Variants in SGCD observed in about 807,000 individuals in gnomAD.
The protein encoded by SGCD is delta-sarcoglycan.
SGCD carries 18 observed loss-of-function variants against 36.6 expected under a neutral mutation model. That is an observed-to-expected ratio of 0.49 (90% confidence interval 0.34 to 0.73). The LOEUF (loss-of-function observed/expected upper bound fraction) is 0.73. SGCD is among the 30% of genes least tolerant of loss of function. The pLI is 0.01. For missense variants in SGCD, 387 were observed against 346.7 expected (o/e 1.12, Z -0.92); for synonymous variants, 133 against 130.6 (o/e 1.02, Z -0.12).
intron 3 of SGCD, among the ~76,000 whole-genome samples, chr5:156,170,994 C>T (rs796980116): frequency 2.0e-5 from 3 of 152,238 alleles, no homozygotes; most frequent in African/African-American, 7.2e-5. Flanking sequence ...AGGGAATAAC[C>T]TTCTTCTTTC....
chr5:156,571,765 A>T (rs573121811), intron 4 of SGCD, among the ~76,000 whole-genome samples: 4 of 152,236 alleles, frequency 2.6e-5, no homozygotes, highest in Admixed American at 1.3e-4. Context: ...TAAAATACAC[A>T]TGATATAAAA....
At chr5:156,183,686 C>T (rs1467471771) in intron 3 of SGCD, among the ~76,000 whole-genome samples, 11 of 152,158 alleles carry the variant, frequency 7.2e-5, no homozygotes, top group African/African-American at 2.4e-4. Flanking sequence ...AGATTACAGG[C>T]GTGAGCCACA....
intron 4 of SGCD, among the ~76,000 whole-genome samples, chr5:156,556,486 A>G (rs978011406): frequency 2.0e-5 from 3 of 152,170 alleles, no homozygotes; most frequent in African/African-American, 7.2e-5. Flanking sequence ...TGCATGTCTA[A>G]AAATCAAGAG....
At chr5:155,753,334 T>TCAAAAAAAAAAAAAAAAAAAAAAA in the SGCD span, among the ~76,000 whole-genome samples, 22 of 135,904 alleles carry the variant, frequency 1.6e-4, 2 homozygotes, top group African/African-American at 7.4e-4. Context: ...AGACTTTGTC[T>TCAAAAAAAAAAAAAAAAAAAAAAA]AAAAAAAAAA....
Position 156,668,213 on chromosome 5 carries a change from G to A in SGCD, c.575+20677G>A, listed in dbSNP as rs188747569. 2.1e-3 allele frequency among the ~76,000 whole-genome samples: 326 copies of A among 152,266 alleles called. 1 individual carries two copies. The highest frequency in any genetic ancestry group is 4.1e-3 in the Non-Finnish European group (278 of 68,014). On this transcript the variant is annotated intron_variant, in intron 7 of 8. Coordinates refer to ENST00000337851, the MANE Select transcript of SGCD (RefSeq NM_000337.6). ...ATGATATGATCCTCTTGATTTTAAG[G>A]TCATCCTGTTTGAATTCCTCAAACT...
In SGCD at chr5:156,241,815, T is replaced by C. The variant is rs149200633; in HGVS notation, c.-43-87719T>C. Among the ~76,000 whole-genome samples the C allele has an allele frequency of 3.2e-4, 49 of 152,290 alleles. 1 individual carries two copies. The East Asian group carries it at 3.7e-3, about 11-fold the overall frequency. ...CACTCACCAAGCAGCCCTTGCACAA[T>C]GTTTACACTCACTACGGCCACTTAG... On this transcript the variant is annotated intron_variant, in intron 3 of 9. Transcript: ENST00000517913.
the SGCD span, among the ~76,000 whole-genome samples, chr5:155,767,794 C>G: frequency 6.6e-6 from 1 of 152,170 alleles, no homozygotes; most frequent in South Asian, 2.1e-4. Flanking sequence ...TACTAAGCCA[C>G]GTGTGCTGTT....
rs1041325977 is a variant in SGCD at position 156,153,255 on chromosome 5, T to G, written c.-44+29236T>G. Among the ~76,000 whole-genome samples, 34 of 138,360 alleles carry G rather than the reference T, an allele frequency of 2.5e-4. 1 individual carries two copies. The highest frequency in any genetic ancestry group is 4.8e-4 in the Admixed American group (7 of 14,586). The allele number at this position is 138,360 out of a possible 152,430, so 90.8% of individuals were successfully genotyped here. A position where few individuals can be genotyped will look rare whatever the true frequency, so the allele number is the denominator to read the frequency against. ...AAATCAAGTGAGTAAAAAATGTTGT[T>G]TTTTTTTTTTTCCTGGGAAAAATAG... On this transcript the variant is annotated intron_variant, in intron 3 of 9. Coordinates refer to the SGCD transcript ENST00000517913.
At chr5:156,529,510 G>A (rs1757793628) in intron 4 of SGCD, among the ~76,000 whole-genome samples, 1 of 148,474 alleles carries the variant, frequency 6.7e-6, no homozygotes, top group Non-Finnish European at 1.5e-5. Context: ...TATGTTGTTG[G>A]CAAAAAAAAA....
At chr5:156,418,574 T>C (rs1390751917) in intron 3 of SGCD, among the ~76,000 whole-genome samples, 2 of 152,180 alleles carry the variant, frequency 1.3e-5, no homozygotes, top group African/African-American at 4.8e-5. Context: ...CAAATGTGCT[T>C]TTCTGGATCT....
intron 7 of SGCD, among the ~76,000 whole-genome samples, chr5:156,698,994 C>T (rs1754428030): frequency 6.6e-6 from 1 of 152,030 alleles, no homozygotes; most frequent in Admixed American, 6.6e-5. Flanking sequence ...CATTTGCAGA[C>T]AGAGGTTAAG....
At chr5:156,381,970 C>T (rs1005938632) in intron 3 of SGCD, among the ~76,000 whole-genome samples, 2 of 152,072 alleles carry the variant, frequency 1.3e-5, no homozygotes, top group Non-Finnish European at 2.9e-5. Context: ...AGTAAGTGGT[C>T]AATGTATGTT....
chr5:155,978,814 T>C (rs1264493056), intron 1 of SGCD, among the ~76,000 whole-genome samples: 1 of 151,618 alleles, frequency 6.6e-6, no homozygotes, highest in African/African-American at 2.4e-5. Context: ...GGAGGGGGGA[T>C]ATTGGAGTTA....
At chr5:156,447,176 A>G (rs1464287574) in intron 3 of SGCD, among the ~76,000 whole-genome samples, 1 of 152,184 alleles carries the variant, frequency 6.6e-6, no homozygotes, top group Non-Finnish European at 1.5e-5. Flanking sequence ...AGATTAATTT[A>G]CACTCCTTCT....
intron 3 of SGCD, among the ~76,000 whole-genome samples, chr5:156,163,357 C>A (rs932470388): frequency 2.6e-5 from 4 of 151,474 alleles, no homozygotes; most frequent in Non-Finnish European, 4.4e-5. Flanking sequence ...TCCGTAGGAG[C>A]CCATCAGAGC....
intron 3 of SGCD, among the ~76,000 whole-genome samples, chr5:156,246,636 T>TA (rs1172291526): frequency 6.6e-6 from 1 of 152,206 alleles, no homozygotes; most frequent in African/African-American, 2.4e-5. Flanking sequence ...AGAAATTTTT[T>TA]AAAACCATGT....
At chr5:155,928,060 A>T (rs887224225) in intron 1 of SGCD, among the ~76,000 whole-genome samples, 44 of 152,246 alleles carry the variant, frequency 2.9e-4, no homozygotes, top group Non-Finnish European at 5.0e-4. Context: ...TATTTGTAAA[A>T]TAGGCATTAG....
intron 3 of SGCD, among the ~76,000 whole-genome samples, chr5:156,137,127 T>A (rs1325123366): frequency 1.3e-5 from 2 of 152,220 alleles, no homozygotes; most frequent in Non-Finnish European, 2.9e-5. Flanking sequence ...AGGGTTCTTT[T>A]CTGAAAACAC....
At chr5:156,339,798 G>A (rs1289972102) in intron 2 of SGCD, among the ~76,000 whole-genome samples, 2 of 152,130 alleles carry the variant, frequency 1.3e-5, no homozygotes, top group African/African-American at 4.8e-5. Flanking sequence ...TATATACTTA[G>A]AATGAGAAAG....
Sources: allele counts gnomAD v4.1 joint callset (sites outside exome capture counted in the v4.1 genomes callset), GRCh38; gene constraint gnomAD v4.1.1; transcripts MANE v1.5; gene names NCBI Gene and HGNC (gene_info 2026-07-23, HGNC 2026-07-21).